Variants in LYRM7 observed in about 807,000 individuals in gnomAD.
The protein encoded by LYRM7 is LYR motif containing 7, also known as complex III assembly factor LYRM7.
A neutral mutation model predicts 15.8 loss-of-function variants in LYRM7; 9 were observed. The observed-to-expected ratio is 0.57, with a 90% CI of 0.34 to 0.99. LYRM7 has a LOEUF of 0.99. Ranked by LOEUF, LYRM7 falls within the 50% of genes least tolerant of loss-of-function variation. LYRM7 has a pLI of 0.02. For missense variants in LYRM7, 115 were observed against 119.1 expected (o/e 0.97, Z 0.16); for synonymous variants, 39 against 39.4 (o/e 0.99, Z 0.04).
At chr5:131,187,659 T>C (rs1755819447) in intron 4 of LYRM7, among the ~76,000 whole-genome samples, 1 of 152,006 alleles carries the variant, frequency 6.6e-6, no homozygotes, top group African/African-American at 2.4e-5. Flanking sequence ...CTAATTTTTG[T>C]ATTTTTAATA....
intron 1 of LYRM7, among the ~76,000 whole-genome samples, chr5:131,179,635 A>G (rs1021074937): frequency 2.0e-5 from 3 of 151,796 alleles, no homozygotes; most frequent in Non-Finnish European, 4.4e-5. Flanking sequence ...TGGCCTGACT[A>G]ATTTTAAAAA....
rs1206598411 is a variant in LYRM7 at position 131,202,386 on chromosome 5, C to A, written c.*2785C>A. ...ATACACACCTGTAATCCCAGCTAGT[C>A]AGGAGGCTGAGGCAGGAGAATTACT... On this transcript the variant is annotated 3_prime_UTR_variant, in exon 5 of 5. Transcript: ENST00000379380. 1 of 152,124 alleles carries A rather than the reference C, an allele frequency of 6.6e-6. No individual in the cohort carries two copies. Among genetic ancestry groups the A allele is most frequent in the East Asian group, 1.9e-4 (1 of 5,186 alleles). 9.4% of individuals were successfully genotyped at this position (152,124 alleles called of 1,614,324 possible).
rs879828866 is a variant in LYRM7 at position 131,184,646 on chromosome 5, G to GGA, written c.162+2348_162+2349insAG. Among the ~76,000 whole-genome samples the GGA allele has an allele frequency of 2.8e-5, 4 of 144,412 alleles. No homozygotes were observed. In the South Asian group the frequency reaches 8.5e-4, roughly 31 times the overall value. The allele number at this position is 144,412 out of a possible 152,430, so 94.7% of individuals were successfully genotyped here. ...CAAATGGAATTTTTTTTGGCGGGGG[G>GGA]GGGGTTCCAGGATTCATGCAGACCA... On this transcript the variant is annotated intron_variant, in intron 3 of 4. Coordinates refer to ENST00000379380, the MANE Select transcript of LYRM7 (RefSeq NM_181705.4).
At chr5:131,175,775 G>T (rs980094442) in intron 1 of LYRM7, among the ~76,000 whole-genome samples, 10 of 151,724 alleles carry the variant, frequency 6.6e-5, no homozygotes, top group African/African-American at 2.4e-4. Flanking sequence ...GTTTTGTTTT[G>T]TTTGAGATGG....
At chr5:131,193,164 C>G (rs1373678604) in intron 4 of LYRM7, among the ~76,000 whole-genome samples, 1 of 152,060 alleles carries the variant, frequency 6.6e-6, no homozygotes, top group Non-Finnish European at 1.5e-5. Flanking sequence ...AAACTTCTGC[C>G]TTTTGGTTTA....
At chr5:131,190,438 C>T (rs1351351687) in intron 4 of LYRM7, among the ~76,000 whole-genome samples, 1 of 151,246 alleles carries the variant, frequency 6.6e-6, no homozygotes, top group Non-Finnish European at 1.5e-5. Flanking sequence ...TTGTGATCCG[C>T]CTGCCTTGGC....
intron 4 of LYRM7, among the ~76,000 whole-genome samples, chr5:131,197,541 CT>C (rs60003952): frequency 2.4e-3 from 216 of 90,724 alleles, no homozygotes; most frequent in African/African-American, 9.0e-3. Context: ...TGTCTTCTGT[CT>C]TTTTTTTTTT....
intron 2 of LYRM7, among the ~76,000 whole-genome samples, chr5:131,180,606 T>A (rs1052344933): frequency 6.6e-6 from 1 of 152,202 alleles, no homozygotes; most frequent in Non-Finnish European, 1.5e-5. Flanking sequence ...TTCTATCTTA[T>A]CTGGAAGTCA....
chr5:131,187,603 G>A (rs1459924552), intron 4 of LYRM7, among the ~76,000 whole-genome samples: 1 of 151,684 alleles, frequency 6.6e-6, no homozygotes, highest in Non-Finnish European at 1.5e-5. Flanking sequence ...TCATGCCTCA[G>A]CCTCCCAACT....
intron 4 of LYRM7, 41 bp downstream of exon 4, chr5:131,187,150 GT>G: frequency 9.1e-7 from 1 of 1,098,034 alleles, no homozygotes; most frequent in Non-Finnish European, 1.3e-6. Context: ...ACTGCAATGT[GT>G]TTTAAAATAT....
rs374229200 is a variant in LYRM7 at position 131,199,635 on chromosome 5, T to G, written c.*34T>G. The stretch of plus-strand genomic sequence containing the variant: ...GAATACAACAAGTCTTTGTACTTTT[T>G]AACTTTAAAATCTACAACTCTGGCA... On this transcript the variant is annotated 3_prime_UTR_variant, in exon 5 of 5. Coordinates refer to ENST00000379380, the MANE Select transcript of LYRM7 (RefSeq NM_181705.4). 8.0e-6 allele frequency: 12 copies of G among 1,495,192 alleles called. No individual in the cohort carries two copies. The highest frequency in any genetic ancestry group is 5.6e-5 in the African/African-American group (4 of 71,468). 92.6% of individuals were successfully genotyped at this position (1,495,192 alleles called of 1,614,324 possible).
chr5:131,194,992 G>A (rs767966141), intron 4 of LYRM7, among the ~76,000 whole-genome samples: 1 of 152,142 alleles, frequency 6.6e-6, no homozygotes, highest in Non-Finnish European at 1.5e-5. Flanking sequence ...GGCCGGGATC[G>A]CTGGCTCACA....
Position 131,202,893 on chromosome 5 carries a change from G to A in LYRM7, c.*3292G>A, listed in dbSNP as rs189823644. The A allele has an allele frequency of 6.6e-6, 1 of 152,454 alleles. No homozygotes were observed. Among genetic ancestry groups the A allele is most frequent in the Admixed American group, 6.5e-5 (1 of 15,300 alleles). The allele number at this position is 152,454 out of a possible 1,614,324, so 9.4% of individuals were successfully genotyped here. ...GGTATATAGCAGGAGAGTCAGATTTGAGAAGCATATGTAGATTCGAAGCTG... is the reference window on the plus strand; with the variant it reads ...GGTATATAGCAGGAGAGTCAGATTTAAGAAGCATATGTAGATTCGAAGCTG... On this transcript the variant is annotated 3_prime_UTR_variant, in exon 5 of 5. Transcript: ENST00000379380.
chr5:131,171,019 C>T lies in LYRM7; in HGVS notation c.-2C>T, dbSNP rs562722117. On this transcript the variant is annotated 5_prime_UTR_variant, in exon 1 of 5. Coordinates refer to ENST00000379380, the MANE Select transcript of LYRM7 (RefSeq NM_181705.4). ...GAGGTAGCGGCCGCGGTGAGGAGAG[C>T]CATGGGACGGGCAGTCAAGGTGACA... The T allele has an allele frequency of 1.2e-5, 18 of 1,541,066 alleles. No homozygotes were observed. The highest frequency in any genetic ancestry group is 9.0e-5 in the Admixed American group (4 of 44,362).
intron 3 of LYRM7, among the ~76,000 whole-genome samples, chr5:131,185,540 A>G (rs1402191447): frequency 1.3e-5 from 2 of 152,216 alleles, no homozygotes; most frequent in Admixed American, 6.5e-5. Context: ...TAGAAAATGC[A>G]GGTTCATTAA....
At chr5:131,180,060 C>T (rs1242459497) in intron 1 of LYRM7, 35 bp from the exon 2 acceptor site, 6 of 1,469,970 alleles carry the variant, frequency 4.1e-6, no homozygotes, top group Non-Finnish European at 5.7e-6. Context: ...GCATGAGCCA[C>T]TGTGCCCAAC....
rs1199351473 is a variant in LYRM7, at chr5:131,200,178, T to G, written c.*577T>G. On this transcript the variant is annotated 3_prime_UTR_variant, in exon 5 of 5. Coordinates refer to ENST00000379380, the MANE Select transcript of LYRM7 (RefSeq NM_181705.4). ...CTCTGTGTTCTTATGAAGACATTTT[T>G]TATCAGTTTTCTGAAAATAGATGAA... The G allele has an allele frequency of 6.6e-6, 1 of 152,346 alleles. No homozygotes were observed. The highest frequency in any genetic ancestry group is 1.5e-5 in the Non-Finnish European group (1 of 68,016). 9.4% of individuals were successfully genotyped at this position (152,346 alleles called of 1,614,324 possible).
chr5:131,193,639 C>CTTAAAATAA (rs1333123593), intron 4 of LYRM7, among the ~76,000 whole-genome samples: 1 of 152,014 alleles, frequency 6.6e-6, no homozygotes, highest in East Asian at 1.9e-4. Flanking sequence ...CTATGCTATC[C>CTTAAAATAA]ATAATAATTT....
chr5:131,181,373 G>GTTA (rs1554089920), intron 2 of LYRM7, among the ~76,000 whole-genome samples: 5 of 80,094 alleles, frequency 6.2e-5, no homozygotes, highest in Non-Finnish European at 1.0e-4. Flanking sequence ...ACATATATAT[G>GTTA]TATATATAAT....
Sources: allele counts gnomAD v4.1 joint callset (sites outside exome capture counted in the v4.1 genomes callset), GRCh38; gene constraint gnomAD v4.1.1; transcripts MANE v1.5; gene names NCBI Gene and HGNC (gene_info 2026-07-23, HGNC 2026-07-21).